Variants in NGDN observed in about 807,000 individuals in gnomAD.
NGDN encodes the protein neuroguidin, also known as EIF4E-binding protein.
In NGDN, 41 loss-of-function variants were observed where a neutral mutation model predicts 45.2. The ratio of observed to expected loss-of-function variants is 0.91; its 90% CI spans 0.71 to 1.18. The LOEUF (loss-of-function observed/expected upper bound fraction) is 1.18, where lower values mean the gene tolerates loss of function less well. Ranked by LOEUF, NGDN falls within the 50% of genes most tolerant of loss-of-function variation. The pLI, the probability that NGDN is intolerant of heterozygous loss-of-function variation, is 0.00. For missense variants in NGDN, 402 were observed against 399.9 expected (o/e 1.01, Z -0.05); for synonymous variants, 137 against 130.9 (o/e 1.05, Z -0.32).
intron 8 of NGDN, 78 bp from the exon 9 acceptor site, chr14:23,477,122 A>G: frequency 1.4e-6 from 2 of 1,390,786 alleles, no homozygotes; most frequent in Non-Finnish European, 2.0e-6. Flanking sequence ...AGATGAGTAG[A>G]TACTTGGGCC....
rs541505643 is a variant in NGDN, at chr14:23,476,020, C to G, written c.421-9C>G. On this transcript the variant is annotated splice_polypyrimidine_tract_variant and intron_variant, in intron 6 of 10. Coordinates refer to ENST00000408901, the MANE Select transcript of NGDN (RefSeq NM_001042635.2). ...CTTCCTAAATTTGCAGACATTGTTTCTTTTGTAGTTGAGCTCTGAGGATGA... is the reference window on the plus strand; with the variant it reads ...CTTCCTAAATTTGCAGACATTGTTTGTTTTGTAGTTGAGCTCTGAGGATGA... 2 of 1,613,988 alleles carry G rather than the reference C, an allele frequency of 1.2e-6. No individual in the cohort carries two copies. The highest frequency in any genetic ancestry group is 3.3e-5 in the Admixed American group (2 of 60,002).
chr14:23,475,423 A>G, intron 4 of NGDN, 115 bp downstream of exon 4: 2 of 1,372,290 alleles, frequency 1.5e-6, no homozygotes, highest in Non-Finnish European at 2.0e-6. Flanking sequence ...ACCAAATGAG[A>G]AAAGGTATTT....
chr14:23,471,034 C>A (rs531908840), intron 3 of NGDN, 57 bp downstream of exon 3: 88 of 1,184,298 alleles, frequency 7.4e-5, no homozygotes, highest in Non-Finnish European at 1.0e-4. Context: ...GTAGTTCTTT[C>A]ATTGTATGTT....
In NGDN at chr14:23,477,268, G is replaced by A. The variant is rs1267414766; in HGVS notation, c.782G>A (p.Arg261Gln). ...VSKREKGRRKRANVMSSQLHS... is the reference protein window; with the variant it reads ...VSKREKGRRKQANVMSSQLHS... ...AAGCGAGAGAAAGGACGGCGAAAAC[G>A]AGCAAATGTCATGAGCTCACAACTT... is the stretch of plus-strand genomic sequence containing the variant. Residue 261 changes from arginine to glutamine, a missense_variant, in exon 9 of 11, where the codon CGA (arginine) becomes CAA (glutamine). Physicochemically the swap from Arg to Gln is conservative, Grantham distance 43. Transcript: ENST00000408901. 1.2e-6 allele frequency: 2 copies of A among 1,614,046 alleles called. No individual in the cohort carries two copies. Among genetic ancestry groups the A allele is most frequent in the African/African-American group, 1.3e-5 (1 of 74,926 alleles).
At chr14:23,470,555 C>T (rs150625001) in intron 2 of NGDN, among the ~76,000 whole-genome samples, 2 of 152,266 alleles carry the variant, frequency 1.3e-5, no homozygotes, top group Admixed American at 6.5e-5. Flanking sequence ...TTTACACCCT[C>T]GTAAAGTGGA....
chr14:23,476,112 T>C lies in NGDN; in HGVS notation c.504T>C (p.Ser168=), dbSNP rs146132391. 27 of 1,614,050 alleles carry C rather than the reference T, an allele frequency of 1.7e-5. No homozygotes were observed. The highest frequency in any genetic ancestry group is 1.3e-4 in the Admixed American group (8 of 60,002). The part of the protein sequence containing the change: ...ASGKKSVKGV[S]KKYVPPRLVP... ...GGAAGAAATCTGTGAAGGGAGTGTCTAAGAAATATGTTCCTCCACGCTTGG... is the reference window on the plus strand; with the variant it reads ...GGAAGAAATCTGTGAAGGGAGTGTCCAAGAAATATGTTCCTCCACGCTTGG... Residue 168 remains serine, a synonymous_variant, in exon 7 of 11, where the codon TCT becomes TCC. Transcript: ENST00000408901.
chr14:23,469,994 T>G, intron 1 of NGDN, 48 bp from the exon 2 acceptor site: 1 of 1,590,476 alleles, frequency 6.3e-7, no homozygotes, highest in Non-Finnish European at 8.6e-7. Context: ...TTTCCTATAA[T>G]CCTGAGGAAA....
intron 1 of NGDN, 27 bp downstream of exon 1, chr14:23,469,754 C>T (rs755265516): frequency 6.2e-7 from 1 of 1,613,980 alleles, no homozygotes; most frequent in Non-Finnish European, 8.5e-7. Flanking sequence ...TTCTTCCTCG[C>T]GTAGCTATTG....
Position 23,475,706 on chromosome 14 carries a change from C to T in NGDN, c.368-20C>T. 1.2e-6 allele frequency: 2 copies of T among 1,613,936 alleles called. No homozygotes were observed. The highest frequency in any genetic ancestry group is 2.2e-5 in the South Asian group (2 of 91,066). ...AGAAAGTTCCAAATTTTGTAAAATT[C>T]ATTGGGTTATTTATTTCAGGTGAGA... On this transcript the variant is annotated intron_variant, in intron 5 of 10. Transcript: ENST00000408901.
chr14:23,478,282 T>C (rs1406719961), downstream of NGDN: 2 of 459,110 alleles, frequency 4.4e-6, no homozygotes, highest in Non-Finnish European at 7.7e-6. Context: ...TGCAAAACAT[T>C]TGTATTGTTT....
chr14:23,477,447 G>T, intron 9 of NGDN, 56 bp from the exon 10 acceptor site: 1 of 1,612,356 alleles, frequency 6.2e-7, no homozygotes, highest in Non-Finnish European at 8.5e-7. Context: ...ACTTGGGAAG[G>T]GATGCTGGCT....
chr14:23,478,270 A>C, downstream of NGDN: 1 of 435,810 alleles, frequency 2.3e-6, no homozygotes, highest in Non-Finnish European at 4.1e-6. Context: ...TTTTTTTGGA[A>C]GTGCAAAACA....
chr14:23,476,886 T>C lies in NGDN; in HGVS notation c.714-314T>C, dbSNP rs191507206. On this transcript the variant is annotated intron_variant, in intron 8 of 10. Transcript: ENST00000408901. ...AGTCTTTGCAGTTGATGGATTTGCA[T>C]GAAAGGACACGTTTAGGGAAACCTG... Among the ~76,000 whole-genome samples the C allele has an allele frequency of 1.2e-3, 186 of 152,300 alleles. 2 individuals are homozygous for C. The highest frequency in any genetic ancestry group is 4.4e-3 in the African/African-American group (181 of 41,558).
intron 3 of NGDN, among the ~76,000 whole-genome samples, chr14:23,474,401 G>A (rs1038563445): frequency 6.6e-6 from 1 of 152,178 alleles, no homozygotes; most frequent in Admixed American, 6.5e-5. Flanking sequence ...GATAACCACT[G>A]TGGTAATATT....
chr14:23,474,037 CAAAA>C lies in NGDN; in HGVS notation c.145-1117_145-1114del, dbSNP rs10713402. On this transcript the variant is annotated intron_variant, in intron 3 of 10. Transcript: ENST00000408901. ...TGGGCGACAGAGTGAGACTCCATCT[CAAAA>C]AAAAAAAAAAAAAAAAGACTGAGGT... is the stretch of plus-strand genomic sequence containing the variant. 3.8e-4 allele frequency among the ~76,000 whole-genome samples: 34 copies of C among 88,730 alleles called. 1 individual carries two copies. The highest frequency in any genetic ancestry group is 1.0e-3 in the African/African-American group (24 of 23,728). 58.2% of individuals were successfully genotyped at this position (88,730 alleles called of 152,430 possible). A position where few individuals can be genotyped will look rare whatever the true frequency, so the allele number is the denominator to read the frequency against.
intron 8 of NGDN, among the ~76,000 whole-genome samples, chr14:23,476,935 T>A (rs1173230988): frequency 6.6e-6 from 1 of 152,128 alleles, no homozygotes; most frequent in Non-Finnish European, 1.5e-5. Flanking sequence ...AATAAAAAAA[T>A]TTTGGTGTAA....
In NGDN at chr14:23,478,073, C is replaced by A. The variant is rs770315949; in HGVS notation, c.*47C>A. On this transcript the variant is annotated 3_prime_UTR_variant, in exon 11 of 11. Transcript: ENST00000408901. ...TATTTTTTGTCATCCTGAGATACTTCTAATTTCATTGTATATAGGTGGTTT... is the reference window on the plus strand; with the variant it reads ...TATTTTTTGTCATCCTGAGATACTTATAATTTCATTGTATATAGGTGGTTT... 2 of 1,568,448 alleles carry A rather than the reference C, an allele frequency of 1.3e-6. No individual in the cohort carries two copies. The highest frequency in any genetic ancestry group is 1.7e-5 in the Admixed American group (1 of 59,904).
At chr14:23,475,461 T>G (rs1893875939) in intron 4 of NGDN, 97 bp from the exon 5 acceptor site, 1 of 1,385,034 alleles carries the variant, frequency 7.2e-7, no homozygotes, top group Admixed American at 1.9e-5. Flanking sequence ...ACTTTGTACA[T>G]ATTTTAGGTG....
Position 23,478,129 on chromosome 14 carries a change from A to T in NGDN, c.*103A>T. The T allele has an allele frequency of 8.4e-7, 1 of 1,189,678 alleles. No homozygotes were observed. The highest frequency in any genetic ancestry group is 1.2e-6 in the Non-Finnish European group (1 of 806,188). 73.7% of individuals were successfully genotyped at this position (1,189,678 alleles called of 1,614,324 possible). On this transcript the variant is annotated 3_prime_UTR_variant, in exon 11 of 11. Coordinates refer to ENST00000408901, the MANE Select transcript of NGDN (RefSeq NM_001042635.2). ...GGAATTCATTAATTGTTTGCTTTGG[A>T]CATGTGGAAAGAGCCTTACTAATAA... is the stretch of plus-strand genomic sequence containing the variant.
Sources: gnomAD v4.1 joint callset for allele counts (sites outside exome capture counted in the v4.1 genomes callset) on GRCh38, gnomAD v4.1.1 for gene constraint, MANE v1.5 for transcripts, NCBI Gene and HGNC (gene_info 2026-07-23, HGNC 2026-07-21) for gene names.